The following BCAR3 variants were observed in gnomAD, a reference collection of about 807,000 sequenced individuals.
BCAR3 encodes the protein BCAR3 adaptor protein, NSP family member.
In BCAR3, 37 loss-of-function variants were observed where a neutral mutation model predicts 80.1. That is an observed-to-expected ratio of 0.46 (90% confidence interval 0.36 to 0.61). The LOEUF is 0.61. Among genes scored for constraint, BCAR3 ranks in the 20% least tolerant of loss-of-function variants. BCAR3 has a pLI of 0.00. For synonymous variants in BCAR3, 389 were observed against 418.9 expected (o/e 0.93, Z 0.87); for missense variants, 978 against 1,068.2 (o/e 0.92, Z 1.18).
intron 3 of BCAR3, among the ~76,000 whole-genome samples, chr1:93,613,681 G>T (rs1474482915): frequency 2.6e-5 from 4 of 152,200 alleles, no homozygotes; most frequent in Non-Finnish European, 4.4e-5. Flanking sequence ...TGCTTCCAGG[G>T]GAGGTACACC....
chr1:93,778,927 T>C (rs545882453), intron 2 of BCAR3, among the ~76,000 whole-genome samples: 25 of 152,304 alleles, frequency 1.6e-4, no homozygotes, highest in Middle Eastern at 3.4e-3. Flanking sequence ...GTGTCTGTCT[T>C]TGTTATTGAA....
intron 2 of BCAR3, among the ~76,000 whole-genome samples, chr1:93,815,410 C>G (rs1008815670): frequency 6.6e-6 from 1 of 152,208 alleles, no homozygotes; most frequent in African/African-American, 2.4e-5. Context: ...CTCGAATTTA[C>G]TCTTCAGAAC....
At chr1:93,712,560 C>T (rs892944400) in intron 2 of BCAR3, among the ~76,000 whole-genome samples, 1 of 152,210 alleles carries the variant, frequency 6.6e-6, no homozygotes, top group African/African-American at 2.4e-5. Flanking sequence ...ATACTCTTGA[C>T]ATTTCTTCTT....
intron 3 of BCAR3, among the ~76,000 whole-genome samples, chr1:93,604,204 GTA>G (rs1674708366): frequency 6.6e-6 from 1 of 152,152 alleles, no homozygotes; most frequent in Non-Finnish European, 1.5e-5. Context: ...TTTTCCTACT[GTA>G]TATGATTTTC....
At chr1:93,614,268 A>C in intron 3 of BCAR3, 4 of 536,420 alleles carry the variant, frequency 7.5e-6, no homozygotes, top group Non-Finnish European at 9.5e-6. Flanking sequence ...TGTCCCCTCA[A>C]TTTAGAGACC....
At chr1:93,573,636 T>TTATTATTATTATTATTA (rs1557838379) in intron 8 of BCAR3, among the ~76,000 whole-genome samples, 9 of 134,524 alleles carry the variant, frequency 6.7e-5, no homozygotes, top group African/African-American at 2.6e-4. Context: ...TATTATTATT[T>TTATTATTATTATTATTA]TTTTTTTTTT....
intron 2 of BCAR3, among the ~76,000 whole-genome samples, chr1:93,742,977 T>C (rs570902478): frequency 1.3e-5 from 2 of 152,360 alleles, no homozygotes; most frequent in East Asian, 3.9e-4. Flanking sequence ...ATATTCTGCT[T>C]AACTCCATAA....
intron 2 of BCAR3, among the ~76,000 whole-genome samples, chr1:93,709,873 A>G (rs1423371450): frequency 6.6e-6 from 1 of 152,172 alleles, no homozygotes. Context: ...ATCATCATGT[A>G]ATTTTTTCAT....
intron 3 of BCAR3, among the ~76,000 whole-genome samples, chr1:93,595,691 A>T (rs1674391874): frequency 6.6e-6 from 1 of 152,266 alleles, no homozygotes; most frequent in Non-Finnish European, 1.5e-5. Flanking sequence ...TTAGATAAGT[A>T]CTTTGATGGA....
intron 2 of BCAR3, among the ~76,000 whole-genome samples, chr1:93,673,897 G>T (rs976675259): frequency 2.0e-5 from 3 of 152,200 alleles, no homozygotes; most frequent in Admixed American, 6.5e-5. Context: ...AGAATCTGAT[G>T]CTATGATAAA....
intron 2 of BCAR3, among the ~76,000 whole-genome samples, chr1:93,838,947 A>G (rs569219719): frequency 6.6e-6 from 1 of 152,246 alleles, no homozygotes; most frequent in Non-Finnish European, 1.5e-5. Context: ...ACTGGGACAC[A>G]TTCTGAGTCT....
intron 3 of BCAR3, among the ~76,000 whole-genome samples, chr1:93,692,376 G>A (rs977195237): frequency 1.3e-5 from 2 of 152,200 alleles, no homozygotes; most frequent in Non-Finnish European, 2.9e-5. Context: ...CAAATGGTAA[G>A]AATAATTTCC....
chr1:93,650,703 C>T (rs1676295520), intron 2 of BCAR3, among the ~76,000 whole-genome samples: 1 of 152,164 alleles, frequency 6.6e-6, no homozygotes, highest in African/African-American at 2.4e-5. Flanking sequence ...TAAGTGTGAC[C>T]TGTGTATTAA....
At chr1:93,765,284 T>C (rs1652106698) in intron 2 of BCAR3, among the ~76,000 whole-genome samples, 2 of 152,218 alleles carry the variant, frequency 1.3e-5, no homozygotes, top group Admixed American at 6.5e-5. Flanking sequence ...GGTGTTACCA[T>C]AGAAACCACA....
intron 3 of BCAR3, among the ~76,000 whole-genome samples, chr1:93,698,161 A>G (rs1247775273): frequency 6.6e-6 from 1 of 152,208 alleles, no homozygotes; most frequent in Non-Finnish European, 1.5e-5. Flanking sequence ...TGACCACTGA[A>G]GCAGAGCATG....
chr1:93,698,521 C>T (rs773246843), intron 3 of BCAR3, among the ~76,000 whole-genome samples: 3 of 152,126 alleles, frequency 2.0e-5, no homozygotes, highest in Non-Finnish European at 4.4e-5. Context: ...CCTTTAACCC[C>T]TTCAGGACCA....
At position 93,634,696 on chromosome 1, in the gene BCAR3, AAACAACAAC is replaced by A. The variant is rs1196114340; in HGVS notation, c.357+7599_357+7607del. The stretch of plus-strand genomic sequence containing the variant: ...GGCAACACAGTGAGACTCTGTCTCA[AAACAACAAC>A]AACAACAACAACAACAAAAAAAAAA... On this transcript the variant is annotated intron_variant, in intron 3 of 11. Transcript: ENST00000260502. Among the ~76,000 whole-genome samples the A allele has an allele frequency of 4.0e-5, 6 of 149,230 alleles. No individual in the cohort carries two copies. In the South Asian group the frequency reaches 6.4e-4, roughly 16 times the overall value.
rs575848142 is a variant in BCAR3 at position 93,846,279 on chromosome 1, C to G, written c.-208-567G>C. On this transcript the variant is annotated intron_variant, in intron 1 of 13. Transcript: ENST00000370244. The stretch of plus-strand genomic sequence containing the variant: ...GGCAGGGGCGGGTATGGGTGAAGCA[C>G]AGGGTGGGCCGCGGCTGGCGGGTTT... 1.2e-3 allele frequency among the ~76,000 whole-genome samples: 190 copies of G among 152,302 alleles called. 2 individuals are homozygous for G. The highest frequency in any genetic ancestry group is 4.5e-3 in the African/African-American group (186 of 41,580).
At chr1:93,593,208 C>A (rs1359450464) in intron 3 of BCAR3, among the ~76,000 whole-genome samples, 1 of 152,056 alleles carries the variant, frequency 6.6e-6, no homozygotes, top group East Asian at 1.9e-4. Context: ...CCCAGCAAGA[C>A]CAGGCATGCT....
Sources: gnomAD v4.1 joint callset for allele counts (sites outside exome capture counted in the v4.1 genomes callset) on GRCh38, gnomAD v4.1.1 for gene constraint, MANE v1.5 for transcripts, NCBI Gene and HGNC (gene_info 2026-07-23, HGNC 2026-07-21) for gene names.